The following ZHX3 variants were observed in gnomAD, a reference collection of about 807,000 sequenced individuals.
ZHX3 encodes the protein zinc fingers and homeoboxes protein 3.
Under a neutral mutation model 64.5 loss-of-function variants are expected in ZHX3, and 20 were observed. That is an observed-to-expected ratio of 0.31 (90% confidence interval 0.22 to 0.45). The LOEUF is 0.45. Among genes scored for constraint, ZHX3 ranks in the 20% least tolerant of loss-of-function variants. The pLI is 1.00. For synonymous variants in ZHX3, 423 were observed against 461.6 expected (o/e 0.92, Z 1.07); for missense variants, 1,041 against 1,195.8 (o/e 0.87, Z 1.91).
At chr20:41,302,770 G>A (rs1016167444) in intron 1 of ZHX3, among the ~76,000 whole-genome samples, 2 of 152,232 alleles carry the variant, frequency 1.3e-5, no homozygotes, top group African/African-American at 4.8e-5. Flanking sequence ...ATGGTTTGAA[G>A]ATGGCAGAGC....
chr20:41,282,718 G>C (rs575043678), intron 1 of ZHX3, among the ~76,000 whole-genome samples: 1 of 152,238 alleles, frequency 6.6e-6, no homozygotes, highest in South Asian at 2.1e-4. Context: ...CAAATATCAA[G>C]TCTAAAACCC....
intron 3 of ZHX3, among the ~76,000 whole-genome samples, chr20:41,186,092 T>C (rs2036497045): frequency 1.3e-5 from 2 of 152,222 alleles, no homozygotes; most frequent in Admixed American, 6.5e-5. Flanking sequence ...AAACCATCAC[T>C]CTATTTCCAG....
At position 41,184,848 on chromosome 20, in the gene ZHX3, T is replaced by A; in HGVS notation, c.*343A>T. 1 of 1,445,342 alleles carries A rather than the reference T, an allele frequency of 6.9e-7. No individual in the cohort carries two copies. Among genetic ancestry groups the A allele is most frequent in the Non-Finnish European group, 9.1e-7 (1 of 1,094,614 alleles). 89.5% of individuals were successfully genotyped at this position (1,445,342 alleles called of 1,614,324 possible). ...ACAGTGTTGATAATCTGATGTTTTATTTAACATATAGAGGTGGATGTATAT... is the reference window on the plus strand; with the variant it reads ...ACAGTGTTGATAATCTGATGTTTTAATTAACATATAGAGGTGGATGTATAT... On this transcript the variant is annotated 3_prime_UTR_variant, in exon 4 of 4. Transcript: ENST00000683867.
At chr20:41,264,307 C>T (rs560065495) in intron 2 of ZHX3, among the ~76,000 whole-genome samples, 2 of 144,806 alleles carry the variant, frequency 1.4e-5, no homozygotes, top group African/African-American at 5.2e-5. Context: ...TGTGGGAGGC[C>T]GAGGCGGGTG....
At chr20:41,191,892 G>A (rs2146143041) in intron 3 of ZHX3, among the ~76,000 whole-genome samples, 1 of 152,302 alleles carries the variant, frequency 6.6e-6, no homozygotes, top group Middle Eastern at 3.4e-3. Flanking sequence ...TAGCAGCAGT[G>A]GACAGAGCAT....
intron 2 of ZHX3, among the ~76,000 whole-genome samples, chr20:41,264,134 C>T (rs987296299): frequency 1.3e-5 from 2 of 151,762 alleles, no homozygotes; most frequent in African/African-American, 2.4e-5. Context: ...CTAGGCCAGG[C>T]GCGGTGGCTC....
chr20:41,200,249 A>G lies in ZHX3; in HGVS notation c.2860+1808T>C, dbSNP rs1353458726. Among the ~76,000 whole-genome samples the G allele has an allele frequency of 2.0e-5, 3 of 152,196 alleles. No individual in the cohort carries two copies. Among genetic ancestry groups the G allele is most frequent in the African/African-American group, 7.2e-5 (3 of 41,438 alleles). ...AGCTCAACTGCTTTGGTGGAGGAAA[A>G]GATTCCTGGTGCTGCTACTGCCATC... is the stretch of plus-strand genomic sequence containing the variant. On this transcript the variant is annotated intron_variant, in intron 3 of 3. Coordinates refer to ENST00000683867, the MANE Select transcript of ZHX3 (RefSeq NM_001384317.1). This position sits in a 1 kb window ranked among gnomAD's most constrained non-coding sequence, Gnocchi z 4.2.
At chr20:41,283,840 A>G (rs2043810882) in intron 1 of ZHX3, among the ~76,000 whole-genome samples, 1 of 152,140 alleles carries the variant, frequency 6.6e-6, no homozygotes. Flanking sequence ...TCCAACCTAG[A>G]CTGTCCAGAA....
chr20:41,202,108 C>A lies in ZHX3; in HGVS notation c.2809G>T (p.Ala937Ser), dbSNP rs963234149. 4 of 1,613,370 alleles carry A rather than the reference C, an allele frequency of 2.5e-6. No individual in the cohort carries two copies. In the Admixed American group the frequency reaches 5.0e-5, roughly 20 times the overall value. The change falls in exon 3 of 4, where the codon GCC (alanine) becomes TCC (serine). Residue 937 changes from alanine to serine, a missense_variant. Around this residue, in one of 4 missense-constraint regions of ZHX3, gnomAD observed 649 missense variants for 739.8 expected, o/e 0.88. Coordinates refer to ENST00000683867, the MANE Select transcript of ZHX3 (RefSeq NM_001384317.1). The surrounding 1 kb of genome is among the most constrained non-coding windows in gnomAD (Gnocchi z 7.0). ...SESWEPRVPE[A>S]SSEPFDTSSP... ...GATGTGTCAAAGGGCTCTGAGCTGG[C>A]CTCAGGGACACGGGGCTCCCACGAC...
rs538589076 is a variant in ZHX3 at position 41,252,438 on chromosome 20, T to C, written c.-151+16552A>G. Among the ~76,000 whole-genome samples, 20 of 152,300 alleles carry C rather than the reference T, an allele frequency of 1.3e-4. 1 individual carries two copies. The highest frequency in any genetic ancestry group is 1.2e-3 in the Admixed American group (19 of 15,304). Reference sequence around the variant, plus strand: ...TTTCTTAATCCATCACCTGAGACCATGTGAGTACGTCTTAGTCCCCTATGG... The same window carrying C: ...TTTCTTAATCCATCACCTGAGACCACGTGAGTACGTCTTAGTCCCCTATGG... On this transcript the variant is annotated intron_variant, in intron 2 of 3. Coordinates refer to ENST00000683867, the MANE Select transcript of ZHX3 (RefSeq NM_001384317.1).
At chr20:41,288,521 T>A (rs1568946992) in intron 1 of ZHX3, among the ~76,000 whole-genome samples, 2 of 152,228 alleles carry the variant, frequency 1.3e-5, no homozygotes, top group African/African-American at 4.8e-5. Flanking sequence ...GATCTTGAGA[T>A]GTTTCCCTAG....
intron 1 of ZHX3, among the ~76,000 whole-genome samples, chr20:41,308,031 C>G (rs1488974309): frequency 2.0e-5 from 3 of 152,106 alleles, no homozygotes; most frequent in Non-Finnish European, 2.9e-5. Flanking sequence ...TTATAAAGAG[C>G]ACCGTAATAC....
intron 2 of ZHX3, among the ~76,000 whole-genome samples, chr20:41,231,707 TA>T (rs2040617143): frequency 6.6e-6 from 1 of 152,054 alleles, no homozygotes; most frequent in South Asian, 2.1e-4. Flanking sequence ...AATAAATGAA[TA>T]AAATGCAGGA....
At chr20:41,209,764 C>G (rs1237686127) in intron 2 of ZHX3, among the ~76,000 whole-genome samples, 1 of 152,154 alleles carries the variant, frequency 6.6e-6, no homozygotes, top group Non-Finnish European at 1.5e-5. Flanking sequence ...CTAGGCAATA[C>G]CATTCAGGAC....
intron 2 of ZHX3, among the ~76,000 whole-genome samples, chr20:41,222,437 T>C (rs2040004271): frequency 6.6e-6 from 1 of 152,146 alleles, no homozygotes; most frequent in Non-Finnish European, 1.5e-5. Flanking sequence ...ATTGAACTGG[T>C]TTGGTCACAA....
At chr20:41,261,140 GACCTGGAAAC>G (rs2042541352) in intron 2 of ZHX3, among the ~76,000 whole-genome samples, 1 of 151,980 alleles carries the variant, frequency 6.6e-6, no homozygotes, top group African/African-American at 2.4e-5. Context: ...CCTGGGACAT[GACCTGGAAAC>G]ATCTGAAAAC....
intron 2 of ZHX3, among the ~76,000 whole-genome samples, chr20:41,256,991 C>T (rs2042292723): frequency 6.6e-6 from 1 of 152,020 alleles, no homozygotes; most frequent in African/African-American, 2.4e-5. Flanking sequence ...CCATCTGTAC[C>T]CATTGTTTAG....
intron 2 of ZHX3, among the ~76,000 whole-genome samples, chr20:41,267,108 G>C (rs143049723): frequency 6.7e-6 from 1 of 150,252 alleles, no homozygotes; most frequent in Non-Finnish European, 1.5e-5. Flanking sequence ...TGGCCTCCCA[G>C]AGTGCTGGGA....
In ZHX3 at chr20:41,178,794, G is replaced by A. The variant is rs912714844; in HGVS notation, c.*6397C>T. On this transcript the variant is annotated 3_prime_UTR_variant, in exon 4 of 4. Coordinates refer to ENST00000683867, the MANE Select transcript of ZHX3 (RefSeq NM_001384317.1). ...AAGTGATAGAGTATGCTGTTTTCTC[G>A]GTTTGGTCTCTCACACCTGGCCATG... The A allele has an allele frequency of 3.9e-5, 6 of 152,562 alleles. No individual in the cohort carries two copies. The highest frequency in any genetic ancestry group is 1.3e-4 in the Admixed American group (2 of 15,274). The allele number at this position is 152,562 out of a possible 1,614,324, so 9.5% of individuals were successfully genotyped here. A position where few individuals can be genotyped will look rare whatever the true frequency, so the allele number is the denominator to read the frequency against.
Sources: allele counts gnomAD v4.1 joint callset (sites outside exome capture counted in the v4.1 genomes callset), GRCh38; gene constraint gnomAD v4.1.1; regional missense constraint gnomAD v4.1.1; non-coding constraint Gnocchi (gnomAD v3.1); transcripts MANE v1.5; gene names NCBI Gene and HGNC (gene_info 2026-07-23, HGNC 2026-07-21).